The following REDIC1 variants were observed in gnomAD, a reference collection of about 807,000 sequenced individuals.
The protein encoded by REDIC1 is regulator of DNA class I crossover intermediates 1, also known as HEI10 Interacting Protein 1.
At chr12:39,843,425 C>A in the REDIC1 span, among the ~76,000 whole-genome samples, 1 of 151,940 alleles carries the variant, frequency 6.6e-6, no homozygotes, top group Non-Finnish European at 1.5e-5. Context: ...TTTATATGGC[C>A]TTTTGCAGAA....
chr12:39,727,014 T>G, the REDIC1 span, among the ~76,000 whole-genome samples: 1 of 152,220 alleles, frequency 6.6e-6, no homozygotes, highest in Non-Finnish European at 1.5e-5. Context: ...TGGGGTTGTT[T>G]GTTTTTCTTC....
the REDIC1 span, among the ~76,000 whole-genome samples, chr12:39,750,611 C>T: frequency 1.3e-5 from 2 of 152,300 alleles, no homozygotes; most frequent in African/African-American, 4.8e-5. Context: ...CAAGTCGATC[C>T]TAAGCCAAAA....
chr12:39,626,202 G>C, the REDIC1 span: 1 of 882,914 alleles, frequency 1.1e-6, no homozygotes, highest in South Asian at 1.6e-5. Context: ...CTCAGGCGGT[G>C]GACCAGAAGG....
chr12:39,686,704 C>T, the REDIC1 span, among the ~76,000 whole-genome samples: 3 of 152,184 alleles, frequency 2.0e-5, no homozygotes, highest in Non-Finnish European at 2.9e-5. Flanking sequence ...AATTCCTTCC[C>T]GGAAAATGGG....
chr12:39,666,240 A>G, the REDIC1 span, among the ~76,000 whole-genome samples: 1 of 152,292 alleles, frequency 6.6e-6, no homozygotes, highest in African/African-American at 2.4e-5. Flanking sequence ...AATATGTCCC[A>G]TCAATACCTA....
At chr12:39,735,627 C>T in the REDIC1 span, among the ~76,000 whole-genome samples, 5 of 152,090 alleles carry the variant, frequency 3.3e-5, no homozygotes, top group South Asian at 4.1e-4. Flanking sequence ...GGCTTTTGGA[C>T]GAAGGCCAAA....
the REDIC1 span, among the ~76,000 whole-genome samples, chr12:39,823,795 A>G: frequency 2.0e-5 from 3 of 152,188 alleles, no homozygotes; most frequent in African/African-American, 7.2e-5. Context: ...TATGGCTCCA[A>G]GCAATATTTT....
the REDIC1 span, among the ~76,000 whole-genome samples, chr12:39,896,931 G>T: frequency 2.0e-5 from 3 of 152,120 alleles, no homozygotes; most frequent in Admixed American, 6.6e-5. Flanking sequence ...CCCAGAGAAT[G>T]AAGTAGAAAT....
the REDIC1 span, among the ~76,000 whole-genome samples, chr12:39,812,166 T>C: frequency 6.6e-6 from 1 of 152,080 alleles, no homozygotes; most frequent in East Asian, 1.9e-4. Flanking sequence ...GTCTGCTCCC[T>C]GGTTCATAGC....
At chr12:39,710,366 T>TCTTGAAA in the REDIC1 span, among the ~76,000 whole-genome samples, 1 of 151,842 alleles carries the variant, frequency 6.6e-6, no homozygotes, top group Non-Finnish European at 1.5e-5. Flanking sequence ...TTGAAAGCCT[T>TCTTGAAA]CTTGAAACTT....
chr12:39,864,863 A>C, the REDIC1 span: 6 of 1,613,830 alleles, frequency 3.7e-6, no homozygotes, highest in Non-Finnish European at 5.1e-6. Flanking sequence ...AGGCAAGAAT[A>C]ATGAGTGCTA....
the REDIC1 span, among the ~76,000 whole-genome samples, chr12:39,658,566 A>G: frequency 1.1e-4 from 16 of 152,182 alleles, no homozygotes; most frequent in Non-Finnish European, 1.6e-4. Context: ...AGACTGGTAT[A>G]GTGGCTAAGA....
At chr12:39,891,025 C>T in the REDIC1 span, among the ~76,000 whole-genome samples, 1 of 151,726 alleles carries the variant, frequency 6.6e-6, no homozygotes, top group African/African-American at 2.4e-5. Flanking sequence ...CATATTTAAA[C>T]AATGAATCTT....
chr12:39,647,073 C>G, the REDIC1 span, among the ~76,000 whole-genome samples: 1 of 151,938 alleles, frequency 6.6e-6, no homozygotes, highest in Non-Finnish European at 1.5e-5. Flanking sequence ...TTATGAGAAT[C>G]TCTTTGGACT....
the REDIC1 span, among the ~76,000 whole-genome samples, chr12:39,649,863 A>C: frequency 6.6e-6 from 1 of 152,116 alleles, no homozygotes; most frequent in East Asian, 1.9e-4. Flanking sequence ...GGAACAACTG[A>C]GACAAGTATA....
At chr12:39,908,183 T>C in the REDIC1 span, 2 of 152,172 alleles carry the variant, frequency 1.3e-5, no homozygotes, top group East Asian at 3.9e-4. Context: ...GGTGTATCTC[T>C]GGATACACAA....
At chr12:39,734,258 G>A in the REDIC1 span, among the ~76,000 whole-genome samples, 6 of 152,166 alleles carry the variant, frequency 3.9e-5, no homozygotes, top group African/African-American at 7.2e-5. Context: ...ACCAGTCCCA[G>A]TAGGATGAGC....
the REDIC1 span, among the ~76,000 whole-genome samples, chr12:39,856,858 A>G: frequency 6.6e-6 from 1 of 152,216 alleles, no homozygotes; most frequent in Non-Finnish European, 1.5e-5. Context: ...AAACTTAATT[A>G]AAGAATAGTT....
At chr12:39,684,486 A>G in the REDIC1 span, among the ~76,000 whole-genome samples, 2 of 152,346 alleles carry the variant, frequency 1.3e-5, no homozygotes, top group East Asian at 3.8e-4. Flanking sequence ...ATTAATTAAA[A>G]CATAGACTTA....
Sources: allele counts gnomAD v4.1 joint callset (sites outside exome capture counted in the v4.1 genomes callset), GRCh38; gene constraint gnomAD v4.1.1; transcripts MANE v1.5; gene names NCBI Gene and HGNC (gene_info 2026-07-23, HGNC 2026-07-21).